HMOX2: variants seen among roughly 807,000 people sequenced by gnomAD.
HMOX2 encodes heme oxygenase (decycling) 2.
Under a neutral mutation model 33.7 loss-of-function variants are expected in HMOX2, and 30 were observed. The ratio of observed to expected loss-of-function variants is 0.89; its 90% confidence interval spans 0.67 to 1.21. The LOEUF (loss-of-function observed/expected upper bound fraction) is 1.21. HMOX2 is among the 50% of genes most tolerant of loss of function. The probability of loss-of-function intolerance (pLI) is 0.00; values close to 1 mark genes in which losing one functional copy is unlikely to be tolerated. For missense variants in HMOX2, 403 were observed against 399.1 expected (o/e 1.01, Z -0.08); for synonymous variants, 155 against 155.0 (o/e 1.00, Z 0.00).
At chr16:4,501,200 A>G (rs1046738153) in intron 1 of HMOX2, among the ~76,000 whole-genome samples, 2 of 152,058 alleles carry the variant, frequency 1.3e-5, no homozygotes, top group African/African-American at 4.8e-5. Flanking sequence ...GAGTCACTCC[A>G]TATAAAAGAA....
chr16:4,509,895 A>G lies in HMOX2; in HGVS notation c.*139A>G. Reference sequence around the variant, plus strand: ...AAGAAAGGCAACCAATAAAAGCCAGATGCTAGAGCCTCTGCCTGACAGCAT... The same window carrying G: ...AAGAAAGGCAACCAATAAAAGCCAGGTGCTAGAGCCTCTGCCTGACAGCAT... On this transcript the variant is annotated 3_prime_UTR_variant, in exon 6 of 6. Transcript: ENST00000570646. The G allele has an allele frequency of 1.1e-6, 1 of 912,572 alleles. No homozygotes were observed. The highest frequency in any genetic ancestry group is 1.6e-6 in the Non-Finnish European group (1 of 612,168). 56.5% of individuals were successfully genotyped at this position (912,572 alleles called of 1,614,324 possible). A position where few individuals can be genotyped will look rare whatever the true frequency, so the allele number is the denominator to read the frequency against.
At chr16:4,491,293 A>G (rs2058299459) in intron 1 of HMOX2, among the ~76,000 whole-genome samples, 1 of 152,188 alleles carries the variant, frequency 6.6e-6, no homozygotes, top group Non-Finnish European at 1.5e-5. Context: ...AGTCATGTTC[A>G]GGATCTCCTT....
At chr16:4,491,695 C>G (rs2058309807) in intron 1 of HMOX2, among the ~76,000 whole-genome samples, 1 of 151,746 alleles carries the variant, frequency 6.6e-6, no homozygotes, top group Non-Finnish European at 1.5e-5. Flanking sequence ...ATTTTTCTCT[C>G]TTTTCTTTTT....
At chr16:4,482,795 A>T (rs996669833) in intron 1 of HMOX2, among the ~76,000 whole-genome samples, 1 of 152,172 alleles carries the variant, frequency 6.6e-6, no homozygotes, top group African/African-American at 2.4e-5. Context: ...TGGGAGGCCA[A>T]GGAGGGCAGA....
At chr16:4,491,530 T>A (rs2058305851) in intron 1 of HMOX2, among the ~76,000 whole-genome samples, 1 of 151,966 alleles carries the variant, frequency 6.6e-6, no homozygotes, top group Non-Finnish European at 1.5e-5. Flanking sequence ...TGCATGCCTG[T>A]AGTCCCAGGT....
chr16:4,504,555 T>G (rs1365628076), intron 1 of HMOX2, among the ~76,000 whole-genome samples: 1 of 151,496 alleles, frequency 6.6e-6, no homozygotes, highest in Non-Finnish European at 1.5e-5. Context: ...AAACAGGGTT[T>G]CTCCATGTTG....
In HMOX2 at chr16:4,508,211, T is replaced by A; in HGVS notation, c.696+7T>A. ...TTTTGAGTATAACATGCAGGTACTA[T>A]TGGGGGCTGCCAGCTGCTAGGGCTG... On this transcript the variant is annotated splice_region_variant and intron_variant, in intron 4 of 5. Coordinates refer to ENST00000570646, the MANE Select transcript of HMOX2 (RefSeq NM_002134.4). The A allele has an allele frequency of 6.3e-7, 1 of 1,591,754 alleles. No homozygotes were observed. The highest frequency in any genetic ancestry group is 8.6e-7 in the Non-Finnish European group (1 of 1,168,450).
chr16:4,492,666 C>G (rs913810882), intron 1 of HMOX2, among the ~76,000 whole-genome samples: 1 of 151,810 alleles, frequency 6.6e-6, no homozygotes, highest in African/African-American at 2.4e-5. Context: ...TTGCGGTGAT[C>G]CAAGATCACG....
chr16:4,488,470 C>G (rs1039869350), intron 1 of HMOX2, among the ~76,000 whole-genome samples: 6 of 152,104 alleles, frequency 3.9e-5, no homozygotes, highest in African/African-American at 1.4e-4. Context: ...TTACAGCAAA[C>G]TGCTGGGATT....
intron 1 of HMOX2, among the ~76,000 whole-genome samples, chr16:4,501,598 G>A (rs2058559851): frequency 6.6e-6 from 1 of 152,108 alleles, no homozygotes; most frequent in Admixed American, 6.5e-5. Flanking sequence ...TGGGGAACAT[G>A]TAGCTTCTTG....
chr16:4,475,483 T>G (rs1364542100), upstream of HMOX2, among the ~76,000 whole-genome samples: 1 of 151,280 alleles, frequency 6.6e-6, no homozygotes, highest in African/African-American at 2.4e-5. Context: ...AAAATTTTTT[T>G]GTATTTTTGG....
At chr16:4,494,336 C>G (rs1266442255) in intron 1 of HMOX2, among the ~76,000 whole-genome samples, 1 of 149,204 alleles carries the variant, frequency 6.7e-6, no homozygotes, top group Admixed American at 6.7e-5. Context: ...AAAAAGAAAA[C>G]AAGGCTATGA....
At chr16:4,507,064 C>T (rs1483639888) in intron 3 of HMOX2, 52 bp downstream of exon 3, 1 of 1,228,282 alleles carries the variant, frequency 8.1e-7, no homozygotes, top group Non-Finnish European at 1.2e-6. Flanking sequence ...GGGGTGGGGG[C>T]CTTGGTCCCA....
At chr16:4,481,310 C>T (rs1190034177) in intron 1 of HMOX2, among the ~76,000 whole-genome samples, 13 of 143,164 alleles carry the variant, frequency 9.1e-5, no homozygotes, top group African/African-American at 3.1e-4. Context: ...GATCGCGCCA[C>T]TGCGCTCCAG....
intron 1 of HMOX2, among the ~76,000 whole-genome samples, chr16:4,502,526 C>A (rs1222015937): frequency 2.0e-5 from 3 of 152,054 alleles, no homozygotes; most frequent in Admixed American, 1.3e-4. Flanking sequence ...TGCCCTCAGC[C>A]TGGTCCTTTA....
chr16:4,502,377 C>A (rs1022825765), intron 1 of HMOX2, among the ~76,000 whole-genome samples: 2 of 152,230 alleles, frequency 1.3e-5, no homozygotes, highest in African/African-American at 4.8e-5. Flanking sequence ...TAAGTAGGTG[C>A]AAATGGCAAG....
At chr16:4,496,373 C>T (rs1029390583) in intron 1 of HMOX2, 1 of 152,290 alleles carries the variant, frequency 6.6e-6, no homozygotes, top group East Asian at 1.9e-4. Flanking sequence ...ATCTGCCCGC[C>T]TCGGCCTCCC....
intron 1 of HMOX2, among the ~76,000 whole-genome samples, chr16:4,478,328 A>G (rs1176154251): frequency 6.6e-6 from 1 of 152,228 alleles, no homozygotes; most frequent in Non-Finnish European, 1.5e-5. Context: ...AAAATTGGAC[A>G]GCTAGAGCTA....
intron 1 of HMOX2, among the ~76,000 whole-genome samples, chr16:4,494,219 G>A (rs201221733): frequency 6.6e-6 from 1 of 152,078 alleles, no homozygotes; most frequent in Admixed American, 6.6e-5. Flanking sequence ...AGGAGGCTGA[G>A]GCAGGAGAAT....
Sources: allele counts gnomAD v4.1 joint callset (sites outside exome capture counted in the v4.1 genomes callset), GRCh38; gene constraint gnomAD v4.1.1; transcripts MANE v1.5; gene names NCBI Gene and HGNC (gene_info 2026-07-23, HGNC 2026-07-21).